The following ST8SIA4 variants were observed in gnomAD, a reference collection of about 807,000 sequenced individuals.
ST8SIA4 encodes the protein CMP-N-acetylneuraminate-poly-alpha-2,8-sialyltransferase.
ST8SIA4 carries 15 observed loss-of-function variants against 33.9 expected under a neutral mutation model. The observed-to-expected ratio is 0.44, with a 90% CI of 0.30 to 0.68. The LOEUF is 0.68. ST8SIA4 is among the 30% of genes least tolerant of loss of function. ST8SIA4 has a pLI of 0.10. For missense variants in ST8SIA4, 321 were observed against 428.0 expected (o/e 0.75, Z 2.21); for synonymous variants, 171 against 151.2 (o/e 1.13, Z -0.96).
chr5:100,817,109 A>ATTTTTTTTTTTTTTTTTTTTTTTTT (rs57222657), intron 4 of ST8SIA4, among the ~76,000 whole-genome samples: 2 of 74,326 alleles, frequency 2.7e-5, no homozygotes, highest in Non-Finnish European at 2.2e-5. Context: ...CACCCAGCTA[A>ATTTTTTTTTTTTTTTTTTTTTTTTT]TTTTTTTTTT....
chr5:100,876,866 T>G (rs1323438678), intron 3 of ST8SIA4, among the ~76,000 whole-genome samples: 2 of 152,104 alleles, frequency 1.3e-5, no homozygotes, highest in Admixed American at 1.3e-4. Context: ...TTTTTCTGTT[T>G]CTTTTTTTAA....
At chr5:100,883,194 A>T (rs917798496) in intron 3 of ST8SIA4, among the ~76,000 whole-genome samples, 14 of 151,938 alleles carry the variant, frequency 9.2e-5, no homozygotes, top group African/African-American at 2.9e-4. Flanking sequence ...AGACCATGGG[A>T]ACCCACCTCT....
rs1490626040 is a variant in ST8SIA4 at position 100,808,471 on chromosome 5, GAAT to G, written c.*3373_*3375del. 12 of 152,518 alleles carry G rather than the reference GAAT, an allele frequency of 7.9e-5. No homozygotes were observed. The highest frequency in any genetic ancestry group is 1.3e-4 in the Non-Finnish European group (9 of 68,016). The allele number at this position is 152,518 out of a possible 1,614,324, so 9.4% of individuals were successfully genotyped here. ...CTTAACATTAACTACAGCACAGGCT[GAAT>G]AATAATGATGAAAATGTTTCCATGG... On this transcript the variant is annotated 3_prime_UTR_variant, in exon 5 of 5. Transcript: ENST00000231461.
intron 3 of ST8SIA4, among the ~76,000 whole-genome samples, chr5:100,860,087 A>C (rs1349219371): frequency 2.0e-5 from 3 of 152,158 alleles, no homozygotes; most frequent in Non-Finnish European, 4.4e-5. Flanking sequence ...ATACGGTGTA[A>C]AACATGGTGT....
intron 4 of ST8SIA4, among the ~76,000 whole-genome samples, chr5:100,845,007 T>C (rs1751539288): frequency 6.6e-6 from 1 of 152,054 alleles, no homozygotes; most frequent in Non-Finnish European, 1.5e-5. Flanking sequence ...ATTCTAGTGG[T>C]CAAGCCCCAA....
chr5:100,887,335 A>G (rs1487894336), intron 2 of ST8SIA4, among the ~76,000 whole-genome samples: 2 of 152,038 alleles, frequency 1.3e-5, no homozygotes, highest in Admixed American at 6.6e-5. Context: ...ACTTGGGCAC[A>G]TGGATGCTCA....
At chr5:100,844,539 G>C (rs1285837665) in intron 4 of ST8SIA4, among the ~76,000 whole-genome samples, 2 of 151,914 alleles carry the variant, frequency 1.3e-5, no homozygotes, top group Non-Finnish European at 2.9e-5. Context: ...ACTGGATACT[G>C]GTCTTCACCA....
intron 2 of ST8SIA4, chr5:100,890,616 T>C (rs1368301989): frequency 6.6e-6 from 1 of 151,838 alleles, no homozygotes; most frequent in African/African-American, 2.4e-5. Flanking sequence ...TTACCCAATA[T>C]TCAAAGCAAG....
chr5:100,880,839 A>G (rs1752404953), intron 3 of ST8SIA4, among the ~76,000 whole-genome samples: 1 of 152,206 alleles, frequency 6.6e-6, no homozygotes, highest in Non-Finnish European at 1.5e-5. Context: ...TGGCAATTTC[A>G]ATTTTTCTCA....
At chr5:100,895,249 G>A (rs1752756115) in intron 2 of ST8SIA4, among the ~76,000 whole-genome samples, 1 of 152,010 alleles carries the variant, frequency 6.6e-6, no homozygotes, top group Admixed American at 6.6e-5. Flanking sequence ...ATAATCGTCA[G>A]CACAATAGAG....
In ST8SIA4 at chr5:100,809,428, T is replaced by TGACA. The variant is rs1430762686; in HGVS notation, c.*2415_*2418dup. On this transcript the variant is annotated 3_prime_UTR_variant, in exon 5 of 5. Transcript: ENST00000231461. ...TGGCATCACTGCATTCCAGCCTGTG[T>TGACA]GACAGAGTGAGACTCCATCTCAAAA... is the stretch of plus-strand genomic sequence containing the variant. 7.3e-6 allele frequency: 1 copy of TGACA among 137,460 alleles called. No homozygotes were observed. The highest frequency in any genetic ancestry group is 1.5e-5 in the Non-Finnish European group (1 of 65,662). The allele number at this position is 137,460 out of a possible 1,614,324, so 8.5% of individuals were successfully genotyped here. A position where few individuals can be genotyped will look rare whatever the true frequency, so the allele number is the denominator to read the frequency against.
intron 4 of ST8SIA4, among the ~76,000 whole-genome samples, chr5:100,850,360 TA>T (rs1306847177): frequency 6.6e-6 from 1 of 151,902 alleles, no homozygotes; most frequent in Non-Finnish European, 1.5e-5. Context: ...ACCTCCATTA[TA>T]TTAAAACAAA....
chr5:100,836,373 G>A (rs763874297), intron 4 of ST8SIA4, among the ~76,000 whole-genome samples: 29 of 151,950 alleles, frequency 1.9e-4, no homozygotes, highest in Non-Finnish European at 3.4e-4. Flanking sequence ...TAAAGACCAC[G>A]TTGAGCTGGA....
intron 1 of ST8SIA4, among the ~76,000 whole-genome samples, chr5:100,897,544 C>T (rs1387369954): frequency 6.6e-6 from 1 of 152,050 alleles, no homozygotes; most frequent in African/African-American, 2.4e-5. Flanking sequence ...ATAACAAAGT[C>T]TAAAACTGTG....
chr5:100,839,255 T>A (rs1751425320), intron 4 of ST8SIA4, among the ~76,000 whole-genome samples: 1 of 152,016 alleles, frequency 6.6e-6, no homozygotes, highest in African/African-American at 2.4e-5. Context: ...TTGTTTCAAA[T>A]TTCATTTAAA....
intron 2 of ST8SIA4, among the ~76,000 whole-genome samples, chr5:100,886,844 T>C (rs574727536): frequency 2.0e-4 from 31 of 152,258 alleles, no homozygotes; most frequent in Non-Finnish European, 4.0e-4. Flanking sequence ...AGATATAGTA[T>C]AAACATCTAT....
At chr5:100,879,739 G>A (rs990742758) in intron 3 of ST8SIA4, among the ~76,000 whole-genome samples, 2 of 152,148 alleles carry the variant, frequency 1.3e-5, no homozygotes, top group African/African-American at 4.8e-5. Context: ...AAAGAGGCAC[G>A]CAAAGCAGAG....
Position 100,886,474 on chromosome 5 carries a change from T to A in ST8SIA4, c.372A>T (p.Leu124=). 6.2e-7 allele frequency: 1 copy of A among 1,613,968 alleles called. No homozygotes were observed. Among genetic ancestry groups the A allele is most frequent in the African/African-American group, 1.3e-5 (1 of 75,032 alleles). ...RRRTLNISHD[L]HSLLPEVSPM... ...GTGAAACTTCAGGTAGGAGGCTATG[T>A]AGATCATGAGAAATGTTTAGTGTCC... Residue 124 remains leucine (L), a synonymous_variant, in exon 3 of 5, where the codon CTA becomes CTT. Coordinates refer to ENST00000231461, the MANE Select transcript of ST8SIA4 (RefSeq NM_005668.6).
At chr5:100,885,653 T>C (rs1259455664) in intron 3 of ST8SIA4, 1 of 945,762 alleles carries the variant, frequency 1.1e-6, no homozygotes, top group Non-Finnish European at 1.3e-6. Flanking sequence ...AAATTGATCA[T>C]TAAAAACTGC....
Sources: allele counts gnomAD v4.1 joint callset (sites outside exome capture counted in the v4.1 genomes callset), GRCh38; gene constraint gnomAD v4.1.1; transcripts MANE v1.5; gene names NCBI Gene and HGNC (gene_info 2026-07-23, HGNC 2026-07-21).